ASPM: variants seen among roughly 807,000 people sequenced by gnomAD.
ASPM encodes assembly factor for spindle microtubules.
Under a neutral mutation model 366.4 loss-of-function variants are expected in ASPM, and 256 were observed. That is an observed-to-expected ratio of 0.70 (90% CI 0.63 to 0.77). The LOEUF (loss-of-function observed/expected upper bound fraction) is 0.77, where lower values mean the gene tolerates loss of function less well. Ranked by LOEUF, ASPM falls within the 30% of genes least tolerant of loss-of-function variation. The pLI is 0.00. For synonymous variants in ASPM, 1,414 were observed against 1,342.9 expected (o/e 1.05, Z -1.16); for missense variants, 4,146 against 4,090.4 (o/e 1.01, Z -0.37).
rs1657919770 is a variant in ASPM at position 197,121,939 on chromosome 1, T to TA, written c.3845dup (p.Thr1284AsnfsTer34). 1.2e-6 allele frequency: 2 copies of TA among 1,611,184 alleles called. No homozygotes were observed. Among genetic ancestry groups the TA allele is most frequent in the African/African-American group, 2.7e-5 (2 of 74,832 alleles). On this transcript the variant is annotated frameshift_variant, in exon 16 of 28. Coordinates refer to ENST00000367409, the MANE Select transcript of ASPM (RefSeq NM_018136.5). LOFTEE classifies it high-confidence loss of function. ...CCTGATGGCGTTTGAGATCTGTTTT[T>TA]AGTTTATATTTTCTCCATGTTGTTT... is the stretch of plus-strand genomic sequence containing the variant.
At chr1:197,126,459 A>T (rs1658094162) in intron 10 of ASPM, among the ~76,000 whole-genome samples, 2 of 148,186 alleles carry the variant, frequency 1.3e-5, no homozygotes, top group Non-Finnish European at 3.0e-5. Context: ...AAAAAAAAAA[A>T]AAAAAAAAGG....
chr1:197,104,254 T>C lies in ASPM; in HGVS notation c.4997A>G (p.Tyr1666Cys). ...LTSVIKIQSYYRAYVSKKEFL... is the reference protein window; with the variant it reads ...LTSVIKIQSYCRAYVSKKEFL... ...TTCCTTTTTAGAAACATAAGCACGA[T>C]AATATGATTGAATCTTTATAACAGA... The change falls in exon 18 of 28, where the codon TAT becomes TGT. Residue 1666 changes from tyrosine to cysteine, a missense_variant. By Grantham distance (194) the Tyr-to-Cys change is radical (BLOSUM62 -2). Transcript: ENST00000367409. 1 of 1,612,940 alleles carries C rather than the reference T, an allele frequency of 6.2e-7. No homozygotes were observed. Among genetic ancestry groups the C allele is most frequent in the Non-Finnish European group, 8.5e-7 (1 of 1,179,390 alleles).
At chr1:197,097,223 T>C (rs1002816606) in intron 18 of ASPM, among the ~76,000 whole-genome samples, 2 of 151,746 alleles carry the variant, frequency 1.3e-5, no homozygotes, top group African/African-American at 4.8e-5. Flanking sequence ...ACAGATAATC[T>C]CAAGTTGTAA....
Position 197,104,933 on chromosome 1 carries a change from G to A in ASPM, c.4318C>T (p.Gln1440Ter), listed in dbSNP as rs1376865194. Reference protein sequence around the residue: ...MFRKWKQRKMQSQVKATVILQ... With the variant: ...MFRKWKQRKM ...ATTACTGTAGCTTTTACTTGTGATT[G>A]CATTTTACGTTGCTTCCATTTTCTG... Residue 1440 changes from glutamine to a stop codon, truncating the protein, a stop_gained, in exon 18 of 28, where the codon CAA (glutamine) becomes TAA (stop). Transcript: ENST00000367409. LOFTEE classifies it high-confidence loss of function. 6.2e-7 allele frequency: 1 copy of A among 1,612,026 alleles called. No homozygotes were observed.
chr1:197,142,171 T>C (rs1658605642), intron 3 of ASPM, among the ~76,000 whole-genome samples, 160 bp downstream of exon 3: 1 of 152,162 alleles, frequency 6.6e-6, no homozygotes, highest in Non-Finnish European at 1.5e-5. Context: ...ATCAGACAGA[T>C]ACAAGATGTC....
chr1:197,099,719 C>CA (rs1558327398), intron 18 of ASPM, among the ~76,000 whole-genome samples: 1 of 151,704 alleles, frequency 6.6e-6, no homozygotes, highest in South Asian at 2.1e-4. Context: ...TGAATTAAAA[C>CA]ATTATTTCTA....
In ASPM at chr1:197,100,480, A is replaced by G; in HGVS notation, c.8771T>C (p.Ile2924Thr). 6.2e-7 allele frequency: 1 copy of G among 1,600,506 alleles called. No homozygotes were observed. The highest frequency in any genetic ancestry group is 1.3e-5 in the African/African-American group (1 of 74,326). ...AATTTCCTGAAACTTCCGTTTCTGT[A>G]TAAATCCTTTACTTCTAGCTTGAAT... ...IIIQARSKGF[I>T]QKRKFQEIKN... The change falls in exon 18 of 28, where the codon ATA (isoleucine) becomes ACA (threonine). Residue 2924 changes from isoleucine (I) to threonine (T), a missense_variant. By Grantham distance (89) the Ile-to-Thr change is moderately conservative. Transcript: ENST00000367409.
rs888902609 is a variant in ASPM at position 197,128,506 on chromosome 1, A to G, written c.2920T>C (p.Cys974Arg). The G allele has an allele frequency of 6.2e-7, 1 of 1,613,402 alleles. No homozygotes were observed. Among genetic ancestry groups the G allele is most frequent in the Non-Finnish European group, 8.5e-7 (1 of 1,179,328 alleles). Residue 974 changes from cysteine (C) to arginine (R), a missense_variant, in exon 10 of 28, where the codon TGT becomes CGT. Around this residue, in one of 3 missense-constraint regions of ASPM, gnomAD observed 3,624 missense variants for 3,591.7 expected, o/e 1.01. Transcript: ENST00000367409. The part of the protein sequence containing the change: ...AVTNLAVDLQ[C>R]GVRLVRTMEL... Reference sequence around the variant, plus strand: ...TATACGTACACAAGGCGCACTCCACATTGCAAGTCTACGGCAAGATTTGTA... The same window carrying G: ...TATACGTACACAAGGCGCACTCCACGTTGCAAGTCTACGGCAAGATTTGTA...
chr1:197,145,066 CG>C (rs1658724686), intron 1 of ASPM, among the ~76,000 whole-genome samples: 1 of 151,448 alleles, frequency 6.6e-6, no homozygotes, highest in Non-Finnish European at 1.5e-5. Context: ...AACAGAGGGG[CG>C]GGGTGGGTAG....
rs1658677850 is a variant in ASPM, at chr1:197,143,706, G to A, written c.546C>T (p.Ser182=). 1.2e-6 allele frequency: 2 copies of A among 1,613,616 alleles called. No individual in the cohort carries two copies. The highest frequency in any genetic ancestry group is 2.7e-5 in the African/African-American group (2 of 74,862). Residue 182 remains serine (S), a synonymous_variant, in exon 3 of 28, where the codon TCC becomes TCT. Transcript: ENST00000367409. ...IQNVNKTFSV[S]QKVDRVRSPL... Reference sequence around the variant, plus strand: ...GGCTCCTAACTCTGTCAACTTTTTGGGAAACACTAAATGTTTTATTAACAT... The same window carrying A: ...GGCTCCTAACTCTGTCAACTTTTTGAGAAACACTAAATGTTTTATTAACAT...
At position 197,102,638 on chromosome 1, in the gene ASPM, G is replaced by C. The variant is rs144892933; in HGVS notation, c.6613C>G (p.Gln2205Glu). 1 of 1,612,586 alleles carries C rather than the reference G, an allele frequency of 6.2e-7. No homozygotes were observed. Among genetic ancestry groups the C allele is most frequent in the South Asian group, 1.1e-5 (1 of 91,056 alleles). ...TTTAACTTATTAAAGTATGTTTGCT[G>C]TCTGTATCTTCTGTAGTTTGACTGA... ...LIQSNYRRYR[Q>E]QTYFNKLKKI... The change falls in exon 18 of 28, where the codon CAG becomes GAG. Residue 2205 changes from glutamine (Q) to glutamate (E), a missense_variant. Coordinates refer to ENST00000367409, the MANE Select transcript of ASPM (RefSeq NM_018136.5).
chr1:197,085,773 G>A (rs993965548), intron 27 of ASPM, among the ~76,000 whole-genome samples: 2 of 151,966 alleles, frequency 1.3e-5, no homozygotes, highest in Non-Finnish European at 2.9e-5. Context: ...GACAACAAAG[G>A]GGCATAAGGA....
chr1:197,116,642 CAT>C (rs1225145220), intron 17 of ASPM, among the ~76,000 whole-genome samples: 3 of 152,058 alleles, frequency 2.0e-5, no homozygotes, highest in Non-Finnish European at 2.9e-5. Flanking sequence ...CACCAAAAGA[CAT>C]GTTCATAATA....
chr1:197,133,536 C>A lies in ASPM; in HGVS notation c.2233G>T (p.Ala745Ser), dbSNP rs1428964878. ...AGAGACATTTCCTCTTTTGTAGGTG[C>A]TCTAGGAACACTTATTTTATGTTGA... ...ENQHKISVPR[A>S]PTKEEMSLRA... is the part of the protein sequence containing the mutation. The change falls in exon 6 of 28, where the codon GCA becomes TCA. Residue 745 changes from alanine (A) to serine (S), a missense_variant. Ala to Ser is a moderately conservative substitution (Grantham distance 99). This residue lies in a region of ASPM where 3,624 missense variants were observed against 3,591.7 expected (regional missense o/e 1.01). Coordinates refer to ENST00000367409, the MANE Select transcript of ASPM (RefSeq NM_018136.5). 6.2e-7 allele frequency: 1 copy of A among 1,613,758 alleles called. No individual in the cohort carries two copies. The highest frequency in any genetic ancestry group is 2.2e-5 in the East Asian group (1 of 44,862).
intron 10 of ASPM, among the ~76,000 whole-genome samples, chr1:197,127,865 C>T (rs1379393374): frequency 6.6e-6 from 1 of 152,070 alleles, no homozygotes; most frequent in Admixed American, 6.6e-5. Flanking sequence ...AAACCACTGT[C>T]AATAAAAAGT....
chr1:197,097,458 C>A (rs923729390), intron 18 of ASPM, among the ~76,000 whole-genome samples: 1 of 151,634 alleles, frequency 6.6e-6, no homozygotes, highest in African/African-American at 2.4e-5. Flanking sequence ...CTCCTCAAAT[C>A]CCTCGGTCTC....
At chr1:197,116,151 C>T (rs1321920279) in intron 17 of ASPM, among the ~76,000 whole-genome samples, 2 of 152,166 alleles carry the variant, frequency 1.3e-5, no homozygotes, top group Non-Finnish European at 2.9e-5. Flanking sequence ...TTATCTTGCA[C>T]TTTTATGTTA....
Position 197,086,849 on chromosome 1 carries a change from T to C in ASPM, c.10285A>G (p.Ile3429Val). Residue 3429 changes from isoleucine (I) to valine (V), a missense_variant, in exon 27 of 28, where the codon ATT becomes GTT. By Grantham distance (29) the Ile-to-Val change is conservative (BLOSUM62 3). This residue lies in a region of ASPM where 3,624 missense variants were observed against 3,591.7 expected (regional missense o/e 1.01). Transcript: ENST00000367409. ...YKQKKNSSIS[I>V]PFIPETPVRT... Reference sequence around the variant, plus strand: ...ACAGGTGTTTCTGGGATAAAAGGAATGCTTATAGAAGAATTCTTCTTTTGC... The same window carrying C: ...ACAGGTGTTTCTGGGATAAAAGGAACGCTTATAGAAGAATTCTTCTTTTGC... 2 of 1,611,948 alleles carry C rather than the reference T, an allele frequency of 1.2e-6. No individual in the cohort carries two copies. The highest frequency in any genetic ancestry group is 1.7e-6 in the Non-Finnish European group (2 of 1,178,386).
At position 197,103,250 on chromosome 1, in the gene ASPM, G is replaced by C. The variant is rs954630250; in HGVS notation, c.6001C>G (p.Gln2001Glu). Residue 2001 changes from glutamine (Q) to glutamate (E), a missense_variant, in exon 18 of 28, where the codon CAA (glutamine) becomes GAA (glutamate). Gln to Glu is a conservative substitution (Grantham distance 29). Around this residue, in one of 3 missense-constraint regions of ASPM, gnomAD observed 3,624 missense variants for 3,591.7 expected, o/e 1.01. Coordinates refer to ENST00000367409, the MANE Select transcript of ASPM (RefSeq NM_018136.5). ...ATACTGTAAGCCCTATAATACTTTT[G>C]AATCAGAAGAGCAGCTTTTTTCATG... ...KIMKKAALLI[Q>E]KYYRAYSIGR... The C allele has an allele frequency of 1.2e-6, 2 of 1,612,630 alleles. No homozygotes were observed. The highest frequency in any genetic ancestry group is 1.7e-6 in the Non-Finnish European group (2 of 1,179,270).
Sources: allele counts gnomAD v4.1 joint callset (sites outside exome capture counted in the v4.1 genomes callset), GRCh38; gene constraint gnomAD v4.1.1; regional missense constraint gnomAD v4.1.1; transcripts MANE v1.5; gene names NCBI Gene and HGNC (gene_info 2026-07-23, HGNC 2026-07-21).